The following SLC25A26 variants were observed in gnomAD, a reference collection of about 807,000 sequenced individuals.
SLC25A26 encodes the protein mitochondrial S-adenosylmethionine carrier protein.
In SLC25A26, 36 loss-of-function variants were observed where a neutral mutation model predicts 37.8. That is an observed-to-expected ratio of 0.95 (90% CI 0.73 to 1.26). The LOEUF (loss-of-function observed/expected upper bound fraction) is 1.26. Among genes scored for constraint, SLC25A26 ranks in the 50% most tolerant of loss-of-function variants. SLC25A26 has a pLI of 0.00. For missense variants in SLC25A26, 390 were observed against 331.1 expected, an observed-to-expected ratio of 1.18 and a Z score of -1.38; for synonymous variants, 129 against 122.5, an observed-to-expected ratio of 1.05 and a Z score of -0.35.
chr3:66,243,413 A>T (rs2072680212), intron 3 of SLC25A26, 101 bp downstream of exon 3: 1 of 607,090 alleles, frequency 1.6e-6, no homozygotes, highest in East Asian at 2.9e-5. Flanking sequence ...TTTTTAAATT[A>T]TGAAAGTCAT....
At chr3:66,210,923 A>G (rs1008315102) in intron 1 of SLC25A26, among the ~76,000 whole-genome samples, 23 of 152,246 alleles carry the variant, frequency 1.5e-4, no homozygotes, top group African/African-American at 5.5e-4. Flanking sequence ...CAGATCACTC[A>G]GGCTAAAAGC....
upstream of SLC25A26, chr3:66,220,915 C>G (rs2071454527): frequency 2.9e-6 from 2 of 688,968 alleles, no homozygotes; most frequent in Admixed American, 2.6e-5. Context: ...CGCCCCTCCT[C>G]TCTGGCCCTC....
intron 5 of SLC25A26, among the ~76,000 whole-genome samples, chr3:66,271,057 A>G (rs1322377986): frequency 6.6e-6 from 1 of 152,198 alleles, no homozygotes; most frequent in East Asian, 1.9e-4. Flanking sequence ...CACTGTAAAC[A>G]CATTGGAAGC....
At chr3:66,304,326 A>G (rs1289361260) in intron 5 of SLC25A26, 2 of 415,790 alleles carry the variant, frequency 4.8e-6, no homozygotes, top group Non-Finnish European at 9.5e-6. Context: ...ATGCCTCTTG[A>G]TTTAAAAAGA....
chr3:66,294,503 T>A (rs1239024194), intron 5 of SLC25A26, among the ~76,000 whole-genome samples: 1 of 152,234 alleles, frequency 6.6e-6, no homozygotes, highest in Non-Finnish European at 1.5e-5. Context: ...ATTGAAAGCC[T>A]TTTCTGTGTC....
chr3:66,279,885 A>G (rs1348261513), intron 5 of SLC25A26, among the ~76,000 whole-genome samples: 2 of 152,186 alleles, frequency 1.3e-5, no homozygotes, highest in Admixed American at 1.3e-4. Flanking sequence ...GAATGGAATG[A>G]TGACTAAGTT....
At chr3:66,295,666 T>C (rs994770167) in intron 5 of SLC25A26, among the ~76,000 whole-genome samples, 2 of 151,640 alleles carry the variant, frequency 1.3e-5, no homozygotes, top group African/African-American at 4.8e-5. Context: ...CTCCCGAAGA[T>C]TTTTTGTATT....
At chr3:66,285,103 T>G (rs1200282165) in intron 5 of SLC25A26, among the ~76,000 whole-genome samples, 1 of 152,098 alleles carries the variant, frequency 6.6e-6, no homozygotes, top group African/African-American at 2.4e-5. Flanking sequence ...TTTACCTGAG[T>G]AAATGTGTGA....
rs140400343 is a variant in SLC25A26, at chr3:66,138,256, T to C, written c.-354+4272T>C. Among the ~76,000 whole-genome samples, 433 of 152,208 alleles carry C rather than the reference T, an allele frequency of 2.8e-3. 2 individuals carry two copies. The highest frequency in any genetic ancestry group is 9.9e-3 in the African/African-American group (413 of 41,512). ...TGATCAAAGCTGTTCAATGTATACA[T>C]CGTATACAATGTATACATCTGAAGT... On this transcript the variant is annotated intron_variant, in intron 1 of 10. Transcript: ENST00000676754.
intron 6 of SLC25A26, among the ~76,000 whole-genome samples, chr3:66,354,214 G>T (rs2076524441): frequency 6.6e-6 from 1 of 151,544 alleles, no homozygotes; most frequent in African/African-American, 2.4e-5. Flanking sequence ...GCAGTGTGGA[G>T]AACTGTTAAG....
chr3:66,174,104 GGCTTGCTTTAAAATATTAA>G (rs911056807), intron 1 of SLC25A26, among the ~76,000 whole-genome samples: 3 of 151,474 alleles, frequency 2.0e-5, no homozygotes, highest in Non-Finnish European at 4.4e-5. Flanking sequence ...TGGTAGAATG[GGCTTGCTTTAAAATATTAA>G]GTAGCAGAAA....
At chr3:66,164,514 T>C (rs2070399716) in intron 1 of SLC25A26, among the ~76,000 whole-genome samples, 1 of 152,100 alleles carries the variant, frequency 6.6e-6, no homozygotes, top group African/African-American at 2.4e-5. Context: ...TTCTCTTATA[T>C]CCTACAGGCC....
intron 7 of SLC25A26, among the ~76,000 whole-genome samples, chr3:66,366,878 C>G (rs924272787): frequency 1.3e-5 from 2 of 152,170 alleles, no homozygotes; most frequent in Non-Finnish European, 2.9e-5. Flanking sequence ...GTGGCCTGGG[C>G]AAGTAAGTTG....
At chr3:66,149,147 C>T (rs997249812) in intron 1 of SLC25A26, among the ~76,000 whole-genome samples, 2 of 152,054 alleles carry the variant, frequency 1.3e-5, no homozygotes, top group African/African-American at 4.8e-5. Context: ...ATTGGGGCCA[C>T]TCAGAGTTTT....
intron 1 of SLC25A26, among the ~76,000 whole-genome samples, chr3:66,226,138 C>A (rs1280446071): frequency 6.6e-6 from 1 of 152,118 alleles, no homozygotes; most frequent in Non-Finnish European, 1.5e-5. Context: ...TAAAGACATA[C>A]CCAAGACTGG....
upstream of SLC25A26, among the ~76,000 whole-genome samples, chr3:66,216,538 C>A (rs1021756563): frequency 4.0e-5 from 6 of 151,266 alleles, no homozygotes; most frequent in Admixed American, 2.6e-4. Context: ...AAACAAAAAA[C>A]AACAACAACA....
intron 1 of SLC25A26, among the ~76,000 whole-genome samples, chr3:66,179,350 C>T (rs1004320776): frequency 2.6e-5 from 4 of 152,150 alleles, no homozygotes; most frequent in African/African-American, 4.8e-5. Flanking sequence ...TGCAACTATG[C>T]GTTAGTCTTG....
intron 5 of SLC25A26, among the ~76,000 whole-genome samples, chr3:66,279,224 C>G (rs58683627): frequency 0.063 from 9,628 of 152,094 alleles, 338 homozygotes; most frequent in South Asian, 0.075. Flanking sequence ...TCCTGAGTCC[C>G]CTTTTACCCT....
intron 1 of SLC25A26, among the ~76,000 whole-genome samples, chr3:66,178,090 T>C (rs2106748152): frequency 6.6e-6 from 1 of 152,282 alleles, no homozygotes; most frequent in African/African-American, 2.4e-5. Context: ...ATTCGTTGAA[T>C]TTCAGGAAGC....
Sources: allele counts gnomAD v4.1 joint callset (sites outside exome capture counted in the v4.1 genomes callset), GRCh38; gene constraint gnomAD v4.1.1; transcripts MANE v1.5; gene names NCBI Gene and HGNC (gene_info 2026-07-23, HGNC 2026-07-21).